SPRING1: variants seen among roughly 807,000 people sequenced by gnomAD.
The protein encoded by SPRING1 is SREBP regulating gene protein.
Under a neutral mutation model 24.7 loss-of-function variants are expected in SPRING1, and 14 were observed. That is an observed-to-expected ratio of 0.57 (90% CI 0.37 to 0.88). SPRING1 has a LOEUF of 0.88. SPRING1 is among the 40% of genes least tolerant of loss of function. SPRING1 has a pLI of 0.00. For missense variants in SPRING1, 255 were observed against 268.4 expected, an observed-to-expected ratio of 0.95 and a Z score of 0.35; for synonymous variants, 93 against 106.1, an observed-to-expected ratio of 0.88 and a Z score of 0.76.
At chr12:116,718,679 C>G (rs1364097086) in intron 4 of SPRING1, among the ~76,000 whole-genome samples, 2 of 152,226 alleles carry the variant, frequency 1.3e-5, no homozygotes, top group African/African-American at 4.8e-5. Flanking sequence ...TCACTGAAGA[C>G]TGGAAATAAT....
intron 1 of SPRING1, among the ~76,000 whole-genome samples, chr12:116,732,535 C>A (rs1021954336): frequency 6.6e-6 from 1 of 152,186 alleles, no homozygotes; most frequent in Admixed American, 6.5e-5. Flanking sequence ...TGGCGAAACC[C>A]CGTCTCTACT....
At chr12:116,723,729 A>G (rs553070044) in intron 1 of SPRING1, among the ~76,000 whole-genome samples, 48 of 152,336 alleles carry the variant, frequency 3.2e-4, no homozygotes, top group African/African-American at 8.9e-4. Flanking sequence ...CGTTTGGGAA[A>G]ACGTGAATTA....
rs1343460896 is a variant in SPRING1 at position 116,714,811 on chromosome 12, A to G, written c.*2999T>C. On this transcript the variant is annotated 3_prime_UTR_variant, in exon 5 of 5. Transcript: ENST00000261318. ...CTCCATCGCAAAAAAAAAAAAAAAA[A>G]AAAAAGGCTCTAGCATTGCCAGATC... The G allele has an allele frequency of 6.6e-6, 1 of 151,676 alleles. No homozygotes were observed. The highest frequency in any genetic ancestry group is 1.5e-5 in the Non-Finnish European group (1 of 68,066). 9.4% of individuals were successfully genotyped at this position (151,676 alleles called of 1,614,324 possible).
At position 116,713,211 on chromosome 12, in the gene SPRING1, C is replaced by G. The variant is rs1187669842; in HGVS notation, c.*4599G>C. The G allele has an allele frequency of 6.6e-6, 1 of 152,262 alleles. No individual in the cohort carries two copies. Among genetic ancestry groups the G allele is most frequent in the African/African-American group, 2.4e-5 (1 of 41,460 alleles). 9.4% of individuals were successfully genotyped at this position (152,262 alleles called of 1,614,324 possible). A position where few individuals can be genotyped will look rare whatever the true frequency, so the allele number is the denominator to read the frequency against. ...AAATGTTCCCTGGGGGGCAAAATTGCCCCTGTTGAGCACCACTGCCCTAGA... is the reference window on the plus strand; with the variant it reads ...AAATGTTCCCTGGGGGGCAAAATTGGCCCTGTTGAGCACCACTGCCCTAGA... On this transcript the variant is annotated 3_prime_UTR_variant, in exon 5 of 5. Coordinates refer to ENST00000261318, the MANE Select transcript of SPRING1 (RefSeq NM_024738.4).
At chr12:116,726,914 C>T (rs1363624377) in intron 1 of SPRING1, among the ~76,000 whole-genome samples, 1 of 152,194 alleles carries the variant, frequency 6.6e-6, no homozygotes, top group Non-Finnish European at 1.5e-5. Flanking sequence ...TCCTGGTAAA[C>T]AGGAAAGCAA....
Position 116,723,176 on chromosome 12 carries a change from A to G in SPRING1, c.159T>C (p.His53=). 2 of 1,614,130 alleles carry G rather than the reference A, an allele frequency of 1.2e-6. No homozygotes were observed. The highest frequency in any genetic ancestry group is 1.7e-6 in the Non-Finnish European group (2 of 1,180,058). ...RDRNLLQVHD[H]NQPIPWKVQF... ...GCACTTTCCACGGGATGGGCTGATTATGGTCATGAACCTGGAGGAGATTCC... is the reference window on the plus strand; with the variant it reads ...GCACTTTCCACGGGATGGGCTGATTGTGGTCATGAACCTGGAGGAGATTCC... The change falls in exon 2 of 5, where the codon CAT becomes CAC. Residue 53 remains histidine (H), a synonymous_variant. Coordinates refer to ENST00000261318, the MANE Select transcript of SPRING1 (RefSeq NM_024738.4).
intron 2 of SPRING1, among the ~76,000 whole-genome samples, chr12:116,721,991 CTCCAACAAGGAGTCCT>C (rs1253626724): frequency 6.6e-6 from 1 of 152,190 alleles, no homozygotes; most frequent in Non-Finnish European, 1.5e-5. Context: ...CAAACGTTAT[CTCCAACAAGGAGTCCT>C]GTAAGATCAC....
chr12:116,721,054 T>G lies in SPRING1; in HGVS notation c.269-607A>C, dbSNP rs181060763. On this transcript the variant is annotated intron_variant, in intron 2 of 4. Transcript: ENST00000261318. ...CTTTGGGAATGCAGTTCTCTAATAC[T>G]CAAGAAAGAAAAAAACCTCTTAATC... 4.7e-4 allele frequency among the ~76,000 whole-genome samples: 72 copies of G among 152,186 alleles called. No homozygotes were observed. The East Asian group carries it at 0.011, about 22-fold the overall frequency.
chr12:116,723,257 T>G (rs769479362), intron 1 of SPRING1, 34 bp from the exon 2 acceptor site: 1 of 1,608,306 alleles, frequency 6.2e-7, no homozygotes, highest in East Asian at 2.2e-5. Context: ...AGGTTAAGTA[T>G]CCAGTATCCT....
intron 1 of SPRING1, among the ~76,000 whole-genome samples, chr12:116,733,479 C>T (rs1006560055): frequency 1.3e-5 from 2 of 150,312 alleles, no homozygotes; most frequent in South Asian, 2.1e-4. Flanking sequence ...CCACTGCGCC[C>T]GGCCTCATCT....
chr12:116,722,440 CCCTGAACT>C (rs1368612028), intron 2 of SPRING1, among the ~76,000 whole-genome samples: 2 of 152,198 alleles, frequency 1.3e-5, no homozygotes, highest in African/African-American at 4.8e-5. Flanking sequence ...CTGTAAGAAG[CCCTGAACT>C]CCAAGTCAAT....
At chr12:116,735,963 C>T (rs1039273512) in intron 1 of SPRING1, among the ~76,000 whole-genome samples, 1 of 143,798 alleles carries the variant, frequency 7.0e-6, no homozygotes, top group East Asian at 2.0e-4. Context: ...ATCATTTGAA[C>T]CCGGGAGGTG....
At position 116,728,469 on chromosome 12, in the gene SPRING1, C is replaced by T. The variant is rs923387739; in HGVS notation, c.112-5246G>A. 6.6e-6 allele frequency among the ~76,000 whole-genome samples: 1 copy of T among 152,146 alleles called. No homozygotes were observed. The highest frequency in any genetic ancestry group is 2.4e-5 in the African/African-American group (1 of 41,438). On this transcript the variant is annotated intron_variant, in intron 1 of 4. Transcript: ENST00000261318. This position sits in a 1 kb window ranked among gnomAD's most constrained non-coding sequence, Gnocchi z 4.2. Reference sequence around the variant, plus strand: ...CCCAACCCTCCCCTCAATGGCATCCCCACCATCATCACTGATTTCTTCTGC... The same window carrying T: ...CCCAACCCTCCCCTCAATGGCATCCTCACCATCATCACTGATTTCTTCTGC...
Position 116,717,792 on chromosome 12 carries a change from G to C in SPRING1, c.*18C>G. ...GCGGGGCCTCCTCACCCAGGCTGGA[G>C]CAAGTCCGCTGCACCCGTCAAGCGG... On this transcript the variant is annotated 3_prime_UTR_variant, in exon 5 of 5. Transcript: ENST00000261318. The surrounding 1 kb of genome is among the most constrained non-coding windows in gnomAD (Gnocchi z 4.2). 1 of 1,571,726 alleles carries C rather than the reference G, an allele frequency of 6.4e-7. No homozygotes were observed.
rs1196054512 is a variant in SPRING1, at chr12:116,728,241, T to C, written c.112-5018A>G. Among the ~76,000 whole-genome samples the C allele has an allele frequency of 6.6e-6, 1 of 152,230 alleles. No individual in the cohort carries two copies. The highest frequency in any genetic ancestry group is 1.5e-5 in the Non-Finnish European group (1 of 68,042). On this transcript the variant is annotated intron_variant, in intron 1 of 4. Transcript: ENST00000261318. The surrounding 1 kb of genome is among the most constrained non-coding windows in gnomAD (Gnocchi z 4.2). ...ATGTCATCCTGTTTTGTTTTCTTCA[T>C]AACATACATCATTATCTGAAATCAT...
rs1870046077 is a variant in SPRING1 at position 116,714,892 on chromosome 12, C to T, written c.*2918G>A. 6.6e-6 allele frequency: 1 copy of T among 151,896 alleles called. No homozygotes were observed. The highest frequency in any genetic ancestry group is 2.4e-5 in the African/African-American group (1 of 41,330). 9.4% of individuals were successfully genotyped at this position (151,896 alleles called of 1,614,324 possible). A position where few individuals can be genotyped will look rare whatever the true frequency, so the allele number is the denominator to read the frequency against. Reference sequence around the variant, plus strand: ...CTTTTGTCCTTGCTTGTCTCAGAGCCCTTTTCACAGTCTCTTGTGTGCTTC... The same window carrying T: ...CTTTTGTCCTTGCTTGTCTCAGAGCTCTTTTCACAGTCTCTTGTGTGCTTC... On this transcript the variant is annotated 3_prime_UTR_variant, in exon 5 of 5. Coordinates refer to ENST00000261318, the MANE Select transcript of SPRING1 (RefSeq NM_024738.4).
chr12:116,713,485 C>T lies in SPRING1; in HGVS notation c.*4325G>A, dbSNP rs1869960760. The stretch of plus-strand genomic sequence containing the variant: ...AATACATTCAAACAAGAACAGAGAT[C>T]CATTAGCAAAATGTTTAAAAATAAT... On this transcript the variant is annotated 3_prime_UTR_variant, in exon 5 of 5. Transcript: ENST00000261318. 6.6e-6 allele frequency: 1 copy of T among 152,140 alleles called. No individual in the cohort carries two copies. The highest frequency in any genetic ancestry group is 2.1e-4 in the South Asian group (1 of 4,834). 9.4% of individuals were successfully genotyped at this position (152,140 alleles called of 1,614,324 possible).
intron 1 of SPRING1, among the ~76,000 whole-genome samples, chr12:116,723,619 C>T (rs1870546748): frequency 6.6e-6 from 1 of 152,172 alleles, no homozygotes; most frequent in Non-Finnish European, 1.5e-5. Flanking sequence ...AATGTGAATA[C>T]ACTTTTTAAA....
intron 4 of SPRING1, among the ~76,000 whole-genome samples, chr12:116,719,170 T>C (rs1870299206): frequency 6.6e-6 from 1 of 152,194 alleles, no homozygotes; most frequent in Admixed American, 6.5e-5. Flanking sequence ...GAGGAGACAG[T>C]GATGAAAAGG....
Sources: allele counts gnomAD v4.1 joint callset (sites outside exome capture counted in the v4.1 genomes callset), GRCh38; gene constraint gnomAD v4.1.1; non-coding constraint Gnocchi (gnomAD v3.1); transcripts MANE v1.5; gene names NCBI Gene and HGNC (gene_info 2026-07-23, HGNC 2026-07-21).